KDM4A: variants seen among roughly 807,000 people sequenced by gnomAD.
KDM4A encodes the protein lysine-specific demethylase 4A.
Under a neutral mutation model 127.1 loss-of-function variants are expected in KDM4A, and 23 were observed. That is an observed-to-expected ratio of 0.18 (90% CI 0.13 to 0.26). The LOEUF (loss-of-function observed/expected upper bound fraction) is 0.26. Among genes scored for constraint, KDM4A ranks in the 10% least tolerant of loss-of-function variants. The pLI, the probability that KDM4A is intolerant of heterozygous loss-of-function variation, is 1.00. For missense variants in KDM4A, 890 were observed against 1,329.1 expected (o/e 0.67, Z 5.14); for synonymous variants, 443 against 466.5 (o/e 0.95, Z 0.65).
intron 13 of KDM4A, among the ~76,000 whole-genome samples, chr1:43,689,353 C>G (rs910805980): frequency 2.6e-5 from 4 of 152,212 alleles, no homozygotes; most frequent in African/African-American, 9.7e-5. Flanking sequence ...TCACAGACAT[C>G]AGTTTGCAGA....
chr1:43,703,132 T>G (rs1288421540), intron 19 of KDM4A, among the ~76,000 whole-genome samples: 1 of 151,918 alleles, frequency 6.6e-6, no homozygotes, highest in African/African-American at 2.4e-5. Context: ...TTAGTAGAGA[T>G]GGGGTTTCAC....
chr1:43,654,110 T>G (rs138144833), intron 2 of KDM4A, among the ~76,000 whole-genome samples: 2 of 152,210 alleles, frequency 1.3e-5, no homozygotes, highest in African/African-American at 2.4e-5. Flanking sequence ...CTCTTTCTTA[T>G]CTGCAGATAC....
intron 16 of KDM4A, 29 bp downstream of exon 16, chr1:43,692,340 G>A: frequency 6.3e-7 from 1 of 1,594,470 alleles, no homozygotes; most frequent in Admixed American, 1.7e-5. Flanking sequence ...GCCTTGGAAT[G>A]CACAGGCTCA....
chr1:43,651,551 G>C (rs543244147), intron 1 of KDM4A, among the ~76,000 whole-genome samples: 1 of 152,130 alleles, frequency 6.6e-6, no homozygotes, highest in Non-Finnish European at 1.5e-5. Context: ...TAGATTTCTG[G>C]TGGATTGGAG....
chr1:43,658,389 A>G (rs1660296386), intron 3 of KDM4A, among the ~76,000 whole-genome samples: 1 of 152,022 alleles, frequency 6.6e-6, no homozygotes, highest in Non-Finnish European at 1.5e-5. Context: ...TAAATTCATG[A>G]AACAGATTAG....
intron 11 of KDM4A, among the ~76,000 whole-genome samples, chr1:43,673,943 CTTTG>C (rs544518552): frequency 8.9e-4 from 136 of 152,296 alleles, no homozygotes; most frequent in Middle Eastern, 3.4e-3. Context: ...ATATTAAATA[CTTTG>C]TTTATCTTTT....
chr1:43,702,355 A>G (rs1488167007), intron 19 of KDM4A: 2 of 152,222 alleles, frequency 1.3e-5, no homozygotes, highest in Admixed American at 1.3e-4. Context: ...GTTTATGCCT[A>G]ATTGTTAGAT....
chr1:43,663,627 T>TC (rs1295533641), intron 5 of KDM4A, among the ~76,000 whole-genome samples: 1 of 151,820 alleles, frequency 6.6e-6, no homozygotes, highest in East Asian at 1.9e-4. Context: ...CTCAGCATTT[T>TC]TTTTTTTCTA....
At chr1:43,690,392 C>CG (rs1557917611) in intron 13 of KDM4A, among the ~76,000 whole-genome samples, 1 of 152,046 alleles carries the variant, frequency 6.6e-6, no homozygotes, top group Non-Finnish European at 1.5e-5. Context: ...GGACTACAGG[C>CG]ACACACCATC....
At chr1:43,695,006 A>G in intron 18 of KDM4A, 112 bp downstream of exon 18, 1 of 1,052,970 alleles carries the variant, frequency 9.5e-7, no homozygotes, top group Non-Finnish European at 1.4e-6. Flanking sequence ...CTGCATTATG[A>G]AGAGTGCTAA....
chr1:43,668,679 G>C (rs986419687), intron 9 of KDM4A, among the ~76,000 whole-genome samples: 1 of 152,176 alleles, frequency 6.6e-6, no homozygotes, highest in Admixed American at 6.5e-5. Context: ...GTGTAGTGAG[G>C]ATGAGACTCA....
At position 43,693,140 on chromosome 1, in the gene KDM4A, A is replaced by C. The variant is rs1336841435; in HGVS notation, c.2375+829A>C. ...TATTTGAGGTCACTGGGTTCCTCAC[A>C]GTCACAGGATAGTGCTGGGAACATT... On this transcript the variant is annotated intron_variant, in intron 16 of 21. Coordinates refer to ENST00000372396, the MANE Select transcript of KDM4A (RefSeq NM_014663.3). The surrounding 1 kb of genome is among the most constrained non-coding windows in gnomAD (Gnocchi z 4.2). 2.0e-5 allele frequency among the ~76,000 whole-genome samples: 3 copies of C among 152,234 alleles called. No individual in the cohort carries two copies. Among genetic ancestry groups the C allele is most frequent in the Non-Finnish European group, 4.4e-5 (3 of 68,034 alleles).
chr1:43,665,244 A>C (rs1660474128), intron 5 of KDM4A, among the ~76,000 whole-genome samples: 1 of 152,160 alleles, frequency 6.6e-6, no homozygotes, highest in African/African-American at 2.4e-5. Context: ...TAGGTCTCTT[A>C]AGTGTCAGAT....
intron 11 of KDM4A, among the ~76,000 whole-genome samples, chr1:43,680,009 C>G (rs924788017): frequency 6.6e-6 from 1 of 152,174 alleles, no homozygotes; most frequent in Non-Finnish European, 1.5e-5. Flanking sequence ...CAGGCTCACA[C>G]AGCTGCTAGT....
intron 12 of KDM4A, among the ~76,000 whole-genome samples, chr1:43,685,642 CCTGTAG>C (rs1244533946): frequency 6.6e-5 from 10 of 152,072 alleles, no homozygotes; most frequent in Non-Finnish European, 1.3e-4. Flanking sequence ...GTGGTGAGCG[CCTGTAG>C]TCCCAGCTAC....
At chr1:43,661,135 C>T (rs182952783) in intron 4 of KDM4A, among the ~76,000 whole-genome samples, 71 of 152,066 alleles carry the variant, frequency 4.7e-4, no homozygotes, top group Admixed American at 1.2e-3. Context: ...CCACCATGCC[C>T]GGCTAATTTT....
rs745945537 is a variant in KDM4A, at chr1:43,688,897, T to G, written c.1856-17T>G. On this transcript the variant is annotated splice_polypyrimidine_tract_variant and intron_variant, in intron 12 of 21. Transcript: ENST00000372396. This position sits in a 1 kb window ranked among gnomAD's most constrained non-coding sequence, Gnocchi z 4.4. ...TGCAGGGTTAGTGCTGACTCACACT[T>G]CTGTTTCCTCCTCTAGAGACATCTG... 1 of 1,612,542 alleles carries G rather than the reference T, an allele frequency of 6.2e-7. No homozygotes were observed. Among genetic ancestry groups the G allele is most frequent in the Admixed American group, 1.7e-5 (1 of 59,912 alleles).
In KDM4A at chr1:43,702,825, G is replaced by A. The variant is rs148860440; in HGVS notation, c.2842-792G>A. On this transcript the variant is annotated intron_variant, in intron 19 of 21. Coordinates refer to ENST00000372396, the MANE Select transcript of KDM4A (RefSeq NM_014663.3). ...GCAGGCAGATCACCTGAGGTAAGGA[G>A]TTCGAGACCAGACTGGCCAACATGG... The A allele has an allele frequency of 8.2e-3, 1,247 of 152,224 alleles. 12 individuals are homozygous for A. The highest frequency in any genetic ancestry group is 0.011 in the Non-Finnish European group (743 of 68,058). The allele number at this position is 152,224 out of a possible 1,614,324, so 9.4% of individuals were successfully genotyped here.
chr1:43,663,173 T>C, intron 5 of KDM4A, 86 bp downstream of exon 5: 4 of 1,206,130 alleles, frequency 3.3e-6, no homozygotes, highest in Non-Finnish European at 4.7e-6. Flanking sequence ...CTCAGGATTG[T>C]GTTAAAGGGC....
Sources: allele counts gnomAD v4.1 joint callset (sites outside exome capture counted in the v4.1 genomes callset), GRCh38; gene constraint gnomAD v4.1.1; non-coding constraint Gnocchi (gnomAD v3.1); transcripts MANE v1.5; gene names NCBI Gene and HGNC (gene_info 2026-07-23, HGNC 2026-07-21).